The following DEPDC5 variants were observed in gnomAD, a reference collection of about 807,000 sequenced individuals.
DEPDC5 encodes the protein GATOR1 complex protein DEPDC5.
In DEPDC5, 73 loss-of-function variants were observed where a neutral mutation model predicts 217.3. The observed-to-expected ratio is 0.34, with a 90% CI of 0.28 to 0.41. The LOEUF (loss-of-function observed/expected upper bound fraction) is 0.41. Among genes scored for constraint, DEPDC5 ranks in the 10% least tolerant of loss-of-function variants. DEPDC5 has a pLI of 1.00. For missense variants in DEPDC5, 1,675 were observed against 2,070.1 expected (o/e 0.81, Z 3.70); for synonymous variants, 733 against 756.7 (o/e 0.97, Z 0.51).
intron 38 of DEPDC5, chr22:31,880,131 T>A (rs1478769405): frequency 8.1e-6 from 2 of 246,316 alleles, no homozygotes; most frequent in African/African-American, 2.2e-5. Flanking sequence ...CATCCTATGA[T>A]CTCAGAAGAG....
chr22:31,901,575 C>T (rs1189328798), intron 40 of DEPDC5, among the ~76,000 whole-genome samples, 167 bp from the exon 41 acceptor site: 1 of 152,092 alleles, frequency 6.6e-6, no homozygotes, highest in South Asian at 2.1e-4. Context: ...CTTTCTTTGA[C>T]CCTTGGGATG....
chr22:31,812,681 C>T lies in DEPDC5; in HGVS notation c.1445+2040C>T, dbSNP rs1370123027. Among the ~76,000 whole-genome samples the T allele has an allele frequency of 2.0e-5, 3 of 148,044 alleles. 1 individual carries two copies. The highest frequency in any genetic ancestry group is 3.0e-5 in the Non-Finnish European group (2 of 66,538). ...TCTCGTGATACGCACACCTCAGCCT[C>T]CCAAAGTGGTGGGATTACAGGCGTG... On this transcript the variant is annotated intron_variant, in intron 20 of 42. Coordinates refer to ENST00000651528, the MANE Select transcript of DEPDC5 (RefSeq NM_001242896.3).
chr22:31,810,471 A>C (rs1337131204), intron 19 of DEPDC5, 50 bp from the exon 20 acceptor site: 1 of 1,609,406 alleles, frequency 6.2e-7, no homozygotes. Flanking sequence ...GCTCTCAGGC[A>C]TGTGTTTGAA....
intron 38 of DEPDC5, 33 bp downstream of exon 38, chr22:31,879,785 G>A (rs766909619): frequency 6.3e-7 from 1 of 1,582,262 alleles, no homozygotes; most frequent in South Asian, 1.1e-5. Flanking sequence ...GTCTGAGGGT[G>A]TGCCAGTGGG....
intron 12 of DEPDC5, among the ~76,000 whole-genome samples, chr22:31,797,365 A>G (rs775336404): frequency 1.2e-4 from 18 of 152,318 alleles, no homozygotes; most frequent in Non-Finnish European, 2.2e-4. Flanking sequence ...ATGGTGAAGC[A>G]GGAGAAAGAG....
In DEPDC5 at chr22:31,874,293, C is replaced by A; in HGVS notation, c.3584C>A (p.Ser1195Tyr). 6.2e-7 allele frequency: 1 copy of A among 1,607,658 alleles called. No individual in the cohort carries two copies. Among genetic ancestry groups the A allele is most frequent in the South Asian group, 1.1e-5 (1 of 89,664 alleles). The change falls in exon 36 of 43, where the codon TCT (serine) becomes TAT (tyrosine). Residue 1195 changes from serine (S) to tyrosine (Y), a missense_variant. Ser to Tyr is a moderately radical substitution (Grantham distance 144, BLOSUM62 -2). Transcript: ENST00000651528. The part of the protein sequence containing the change: ...KHPSTGVQLL[S>Y]EQKGLSPYCF... ...CCCAGGACAGGAGTCCAGCTGCTCTCTGAACAGAAGGGCCTCTCACCGTAC... is the reference window on the plus strand; with the variant it reads ...CCCAGGACAGGAGTCCAGCTGCTCTATGAACAGAAGGGCCTCTCACCGTAC...
intron 8 of DEPDC5, among the ~76,000 whole-genome samples, chr22:31,782,880 A>G (rs34573564): frequency 0.028 from 4,237 of 152,332 alleles, 99 homozygotes; most frequent in Non-Finnish European, 0.04. Flanking sequence ...TTAAGAGCTC[A>G]GTAACTATTT....
intron 8 of DEPDC5, among the ~76,000 whole-genome samples, chr22:31,780,792 G>A (rs2084352263): frequency 6.6e-6 from 1 of 152,218 alleles, no homozygotes; most frequent in Non-Finnish European, 1.5e-5. Context: ...TCACTGGACT[G>A]TGTGCGCCCT....
chr22:31,790,406 T>C (rs766942694), intron 10 of DEPDC5, among the ~76,000 whole-genome samples: 36 of 152,308 alleles, frequency 2.4e-4, no homozygotes, highest in Admixed American at 3.3e-4. Context: ...AACACCCTAC[T>C]TCTAGGATAT....
At chr22:31,845,728 T>A (rs1000715161) in intron 30 of DEPDC5, among the ~76,000 whole-genome samples, 8 of 152,100 alleles carry the variant, frequency 5.3e-5, no homozygotes, top group East Asian at 1.9e-4. Flanking sequence ...GCATTTTTTT[T>A]AAACATATAG....
chr22:31,837,481 G>A (rs1382472439), intron 26 of DEPDC5, among the ~76,000 whole-genome samples: 3 of 151,786 alleles, frequency 2.0e-5, no homozygotes, highest in Admixed American at 1.3e-4. Flanking sequence ...CTCCTAAGTA[G>A]CTAGGAGTAG....
intron 24 of DEPDC5, among the ~76,000 whole-genome samples, chr22:31,831,727 T>C (rs2148906950): frequency 6.6e-6 from 1 of 152,242 alleles, no homozygotes; most frequent in African/African-American, 2.4e-5. Context: ...TCCCAAAGGG[T>C]TGAGATTACA....
At chr22:31,841,067 C>T (rs1462582739) in intron 27 of DEPDC5, among the ~76,000 whole-genome samples, 1 of 152,238 alleles carries the variant, frequency 6.6e-6, no homozygotes, top group Non-Finnish European at 1.5e-5. Flanking sequence ...CAACAGCCAG[C>T]AGAGTGTTTG....
intron 19 of DEPDC5, among the ~76,000 whole-genome samples, chr22:31,810,095 C>T (rs913973846): frequency 6.6e-6 from 1 of 152,164 alleles, no homozygotes; most frequent in Non-Finnish European, 1.5e-5. Context: ...TGCAGGATCC[C>T]TTAATTACCT....
At chr22:31,837,279 T>C (rs755019019) in intron 26 of DEPDC5, 124 bp downstream of exon 26, 41 of 925,402 alleles carry the variant, frequency 4.4e-5, no homozygotes, top group African/African-American at 8.5e-5. Context: ...TGGAACGATA[T>C]AGAGGAGATT....
intron 14 of DEPDC5, among the ~76,000 whole-genome samples, chr22:31,801,001 TAA>T (rs1186599877): frequency 2.0e-5 from 3 of 150,896 alleles, no homozygotes; most frequent in Non-Finnish European, 3.0e-5. Context: ...TTTTTTTTTT[TAA>T]ATAAATAGGC....
chr22:31,796,315 G>T (rs867606410), intron 12 of DEPDC5, among the ~76,000 whole-genome samples: 1 of 151,376 alleles, frequency 6.6e-6, no homozygotes, highest in Non-Finnish European at 1.5e-5. Flanking sequence ...GTGTTAGCCA[G>T]AATGGTCTCT....
At position 31,819,039 on chromosome 22, in the gene DEPDC5, A is replaced by G; in HGVS notation, c.1684A>G (p.Met562Val). 6.2e-7 allele frequency: 1 copy of G among 1,614,158 alleles called. No individual in the cohort carries two copies. Among genetic ancestry groups the G allele is most frequent in the Non-Finnish European group, 8.5e-7 (1 of 1,180,018 alleles). The change falls in exon 22 of 43, where the codon ATG becomes GTG. Residue 562 changes from methionine (M) to valine (V), a missense_variant. Physicochemically the swap from Met to Val is conservative, Grantham distance 21 (BLOSUM62 1). Coordinates refer to ENST00000651528, the MANE Select transcript of DEPDC5 (RefSeq NM_001242896.3). The part of the protein sequence containing the change: ...TSTRDVLENM[M>V]EPPQRDSSAP... ...ACTGGCAGATGTCCTGGAGAACATG[A>G]TGGAGCCACCACAGCGAGACTCCAG...
intron 38 of DEPDC5, among the ~76,000 whole-genome samples, chr22:31,886,125 A>T (rs574862568): frequency 8.5e-5 from 13 of 152,074 alleles, no homozygotes; most frequent in Non-Finnish European, 1.8e-4. Context: ...GGGCTCAAGC[A>T]GTCTTTCCAC....
Sources: allele counts gnomAD v4.1 joint callset (sites outside exome capture counted in the v4.1 genomes callset), GRCh38; gene constraint gnomAD v4.1.1; transcripts MANE v1.5; gene names NCBI Gene and HGNC (gene_info 2026-07-23, HGNC 2026-07-21).